Variants in MYRIP observed in about 807,000 individuals in gnomAD.
MYRIP encodes rab effector MyRIP.
A neutral mutation model predicts 98.0 loss-of-function variants in MYRIP; 49 were observed. The observed-to-expected ratio is 0.50, with a 90% CI of 0.40 to 0.63. MYRIP has a LOEUF of 0.63. Ranked by LOEUF, MYRIP falls within the 30% of genes least tolerant of loss-of-function variation. MYRIP has a pLI of 0.00. For synonymous variants in MYRIP, 404 were observed against 409.5 expected (o/e 0.99, Z 0.16); for missense variants, 1,004 against 1,058.2 (o/e 0.95, Z 0.71).
At chr3:40,176,772 G>T (rs1306280862) in intron 8 of MYRIP, among the ~76,000 whole-genome samples, 2 of 151,818 alleles carry the variant, frequency 1.3e-5, no homozygotes, top group Non-Finnish European at 2.9e-5. Context: ...AGCTGGGTGT[G>T]GTGGTGGGCA....
intron 3 of MYRIP, among the ~76,000 whole-genome samples, chr3:40,046,129 G>A (rs1425944255): frequency 2.0e-5 from 3 of 152,094 alleles, no homozygotes; most frequent in Admixed American, 1.3e-4. Context: ...CAGGATAGTG[G>A]CCACAGTATG....
intron 1 of MYRIP, among the ~76,000 whole-genome samples, chr3:39,876,974 T>C (rs13098515): frequency 0.2 from 30,583 of 152,196 alleles, 3,502 homozygotes; most frequent in Middle Eastern, 0.26. Context: ...CGCTTTCAGG[T>C]ACACCAATCA....
intron 3 of MYRIP, among the ~76,000 whole-genome samples, chr3:40,060,351 T>C (rs1454385318): frequency 1.3e-5 from 2 of 152,166 alleles, no homozygotes; most frequent in Non-Finnish European, 2.9e-5. Flanking sequence ...ATAAATGATA[T>C]TGATGAACCA....
At position 40,022,431 on chromosome 3, in the gene MYRIP, G is replaced by T. The variant is rs866438716; in HGVS notation, c.111-21619G>T. Among the ~76,000 whole-genome samples the T allele has an allele frequency of 8.5e-5, 13 of 152,286 alleles. No individual in the cohort carries two copies. In the South Asian group the frequency reaches 2.1e-3, roughly 24 times the overall value. ...ATAAATTTGTCAGTAAGGCAGGGAGGGAATGGCACAGCATGTGGAGGAAAG... is the reference window on the plus strand; with the variant it reads ...ATAAATTTGTCAGTAAGGCAGGGAGTGAATGGCACAGCATGTGGAGGAAAG... On this transcript the variant is annotated intron_variant, in intron 2 of 16. Coordinates refer to ENST00000302541, the MANE Select transcript of MYRIP (RefSeq NM_015460.4).
At chr3:40,051,694 A>G (rs1947798597) in intron 3 of MYRIP, among the ~76,000 whole-genome samples, 1 of 152,182 alleles carries the variant, frequency 6.6e-6, no homozygotes, top group African/African-American at 2.4e-5. Flanking sequence ...AACTGAAATC[A>G]AAACACAGCT....
intron 10 of MYRIP, among the ~76,000 whole-genome samples, chr3:40,209,607 T>C (rs1951867169): frequency 6.6e-6 from 1 of 150,844 alleles, no homozygotes; most frequent in African/African-American, 2.4e-5. Flanking sequence ...GAGTAGTCTG[T>C]GAATGAAAAA....
chr3:40,196,139 T>A (rs1209757382), intron 10 of MYRIP, among the ~76,000 whole-genome samples: 2 of 152,028 alleles, frequency 1.3e-5, no homozygotes, highest in African/African-American at 2.4e-5. Context: ...CCTCTTTTCT[T>A]ACTTGAACTT....
At chr3:40,125,598 C>T (rs1424549493) in intron 3 of MYRIP, among the ~76,000 whole-genome samples, 2 of 152,186 alleles carry the variant, frequency 1.3e-5, no homozygotes, top group African/African-American at 4.8e-5. Context: ...GTCCAGTTGA[C>T]ACTCAGTATT....
intron 5 of MYRIP, 85 bp downstream of exon 5, chr3:40,162,895 G>T (rs1269413903): frequency 7.9e-7 from 1 of 1,260,800 alleles, no homozygotes; most frequent in Non-Finnish European, 1.2e-6. Context: ...GGGTCCCCCA[G>T]ATGCATTGTT....
At chr3:39,817,280 A>T (rs972647091) in intron 1 of MYRIP, among the ~76,000 whole-genome samples, 6 of 152,202 alleles carry the variant, frequency 3.9e-5, no homozygotes, top group Non-Finnish European at 7.4e-5. Context: ...GAAGAGAATG[A>T]GTTGAATGAC....
chr3:40,184,362 TA>T (rs897725388), intron 9 of MYRIP, among the ~76,000 whole-genome samples: 13 of 152,156 alleles, frequency 8.5e-5, no homozygotes, highest in East Asian at 5.8e-4. Context: ...TAAAGTATAA[TA>T]AAAAAAATAC....
rs967684897 is a variant in MYRIP at position 40,190,098 on chromosome 3, G to A, written c.1300G>A (p.Gly434Ser). ...CACACAGGCCCAGAGCTCTGACCAA[G>A]GCCCCATAGCTGCCTCCCCATCCTC... ...QPTQAQSSDQ[G>S]PIAASPSSAL... Residue 434 changes from glycine to serine, a missense_variant, in exon 10 of 17, where the codon GGC becomes AGC. Physicochemically the swap from Gly to Ser is moderately conservative, Grantham distance 56. Coordinates refer to ENST00000302541, the MANE Select transcript of MYRIP (RefSeq NM_015460.4). 6.2e-7 allele frequency: 1 copy of A among 1,614,026 alleles called. No individual in the cohort carries two copies.
rs201358809 is a variant in MYRIP, at chr3:39,829,035, TC to T, written c.-31+19120del. 1.6e-3 allele frequency among the ~76,000 whole-genome samples: 250 copies of T among 152,314 alleles called. 2 individuals are homozygous for T. Among genetic ancestry groups the T allele is most frequent in the East Asian group, 3.3e-3 (17 of 5,180 alleles). On this transcript the variant is annotated intron_variant, in intron 1 of 16. Coordinates refer to ENST00000302541, the MANE Select transcript of MYRIP (RefSeq NM_015460.4). ...ATCAAATGGTAGTTCTACTTTTAGTTCTTTAAGGAATCTCCACACTGTTTTC... is the reference window on the plus strand; with the variant it reads ...ATCAAATGGTAGTTCTACTTTTAGTTTTTAAGGAATCTCCACACTGTTTTC...
At chr3:40,072,601 A>T (rs1337818750) in intron 3 of MYRIP, among the ~76,000 whole-genome samples, 1 of 152,224 alleles carries the variant, frequency 6.6e-6, no homozygotes, top group Admixed American at 6.5e-5. Context: ...TTCAAAATAT[A>T]TTCAAATTTC....
chr3:39,834,037 A>C (rs1941550079), intron 1 of MYRIP, among the ~76,000 whole-genome samples: 1 of 152,230 alleles, frequency 6.6e-6, no homozygotes, highest in Non-Finnish European at 1.5e-5. Flanking sequence ...CTTGAAAAGA[A>C]AAACTAAGTG....
At chr3:40,000,096 C>T (rs1417960196) in intron 2 of MYRIP, among the ~76,000 whole-genome samples, 1 of 151,688 alleles carries the variant, frequency 6.6e-6, no homozygotes, top group Non-Finnish European at 1.5e-5. Flanking sequence ...TTAATGGGTG[C>T]AGCACACCAA....
intron 2 of MYRIP, among the ~76,000 whole-genome samples, chr3:39,987,953 A>G (rs1380143482): frequency 1.3e-5 from 2 of 152,242 alleles, no homozygotes; most frequent in African/African-American, 4.8e-5. Context: ...AATGTGGCAC[A>G]TATACACCAT....
At chr3:40,086,157 C>T (rs1434217961) in intron 3 of MYRIP, among the ~76,000 whole-genome samples, 1 of 152,174 alleles carries the variant, frequency 6.6e-6, no homozygotes, top group Non-Finnish European at 1.5e-5. Flanking sequence ...GCAGAAGAAA[C>T]TGCTAAAGAA....
chr3:39,909,795 T>C (rs1337344395), intron 2 of MYRIP, among the ~76,000 whole-genome samples: 1 of 152,174 alleles, frequency 6.6e-6, no homozygotes, highest in Non-Finnish European at 1.5e-5. Context: ...ATAATTCTAC[T>C]TCACTGTTAC....
Sources: allele counts gnomAD v4.1 joint callset (sites outside exome capture counted in the v4.1 genomes callset), GRCh38; gene constraint gnomAD v4.1.1; transcripts MANE v1.5; gene names NCBI Gene and HGNC (gene_info 2026-07-23, HGNC 2026-07-21).